ZNF407: variants seen among roughly 807,000 people sequenced by gnomAD.
ZNF407 encodes the protein zinc finger protein 407.
Under a neutral mutation model 131.2 loss-of-function variants are expected in ZNF407, and 17 were observed. That is an observed-to-expected ratio of 0.13 (90% confidence interval 0.09 to 0.19). The LOEUF (loss-of-function observed/expected upper bound fraction) is 0.19, where lower values mean the gene tolerates loss of function less well. Ranked by LOEUF, ZNF407 falls within the 10% of genes least tolerant of loss-of-function variation. The pLI, the probability that ZNF407 is intolerant of heterozygous loss-of-function variation, is 1.00. For synonymous variants in ZNF407, 1,156 were observed against 1,062.0 expected, an observed-to-expected ratio of 1.09 and a Z score of -1.72; for missense variants, 2,681 against 2,830.6, an observed-to-expected ratio of 0.95 and a Z score of 1.20.
intron 8 of ZNF407, among the ~76,000 whole-genome samples, chr18:75,002,111 A>ACTGCAGC (rs1972851805): frequency 6.6e-6 from 1 of 152,238 alleles, no homozygotes. Context: ...TGTGAGCGCA[A>ACTGCAGC]CTGCAGCCTT....
At chr18:74,761,230 A>G (rs1969088109) in intron 3 of ZNF407, among the ~76,000 whole-genome samples, 1 of 152,148 alleles carries the variant, frequency 6.6e-6, no homozygotes, top group African/African-American at 2.4e-5. Flanking sequence ...TAATTTCAGG[A>G]TAGTAAAGGA....
chr18:75,044,840 A>G (rs1973414545), intron 8 of ZNF407, among the ~76,000 whole-genome samples: 1 of 152,218 alleles, frequency 6.6e-6, no homozygotes, highest in African/African-American at 2.4e-5. Context: ...ACCACCATGT[A>G]CTTAATATTC....
intron 3 of ZNF407, among the ~76,000 whole-genome samples, chr18:74,672,696 C>G (rs1374317540): frequency 6.6e-6 from 1 of 150,624 alleles, no homozygotes; most frequent in Non-Finnish European, 1.5e-5. Flanking sequence ...ATCCTTGGGT[C>G]CTTGGGTTGC....
At chr18:74,847,098 G>A (rs984077507) in intron 4 of ZNF407, among the ~76,000 whole-genome samples, 10 of 151,968 alleles carry the variant, frequency 6.6e-5, no homozygotes, top group African/African-American at 1.5e-4. Flanking sequence ...TTATAGACTC[G>A]GTAACCAATT....
chr18:74,688,975 C>T (rs12326522), intron 3 of ZNF407, among the ~76,000 whole-genome samples: 21,432 of 151,998 alleles, frequency 0.14, 1,827 homozygotes, highest in African/African-American at 0.23. Flanking sequence ...ATTACAGGCA[C>T]CCGCCACCAT....
At chr18:74,661,355 G>A (rs1985705901) in intron 3 of ZNF407, among the ~76,000 whole-genome samples, 1 of 149,338 alleles carries the variant, frequency 6.7e-6, no homozygotes, top group Admixed American at 6.7e-5. Flanking sequence ...AAGAAGAAAG[G>A]CCAAGTCCCT....
intron 8 of ZNF407, among the ~76,000 whole-genome samples, chr18:75,060,630 C>T (rs1436011334): frequency 2.0e-5 from 3 of 151,822 alleles, no homozygotes; most frequent in Admixed American, 6.6e-5. Context: ...CTCAGCCTCC[C>T]GAGTAGCTGG....
rs557110987 is a variant in ZNF407 at position 74,791,049 on chromosome 18, A to G, written c.4877+9547A>G. Among the ~76,000 whole-genome samples, 104 of 152,276 alleles carry G rather than the reference A, an allele frequency of 6.8e-4. 1 individual carries two copies. Among genetic ancestry groups the G allele is most frequent in the African/African-American group, 2.4e-3 (99 of 41,552 alleles). ...CTTAGAACAAAGAGAACCTCTGCTA[A>G]CACTGTGGTGTTTTCTTACACTTAG... On this transcript the variant is annotated intron_variant, in intron 4 of 8. Transcript: ENST00000299687.
chr18:74,854,664 A>C (rs908450439), intron 4 of ZNF407, among the ~76,000 whole-genome samples: 2 of 152,112 alleles, frequency 1.3e-5, no homozygotes, highest in African/African-American at 4.8e-5. Context: ...TTTTTTAATA[A>C]TCAAATATTT....
At chr18:74,948,648 C>G (rs1972180966) in intron 8 of ZNF407, among the ~76,000 whole-genome samples, 1 of 152,190 alleles carries the variant, frequency 6.6e-6, no homozygotes. Flanking sequence ...AATTCTCTCT[C>G]ATCACATCCA....
chr18:74,944,838 C>A (rs951578697), intron 8 of ZNF407, among the ~76,000 whole-genome samples: 14 of 152,146 alleles, frequency 9.2e-5, no homozygotes, highest in African/African-American at 2.7e-4. Context: ...TTGAGTGCCA[C>A]GTCACTATTC....
intron 4 of ZNF407, among the ~76,000 whole-genome samples, chr18:74,827,317 C>T (rs1270220330): frequency 6.6e-6 from 1 of 152,122 alleles, no homozygotes; most frequent in Non-Finnish European, 1.5e-5. Context: ...TGTTTCTAGC[C>T]TGAATTAGTG....
At chr18:74,722,071 T>G (rs1968050724) in intron 3 of ZNF407, among the ~76,000 whole-genome samples, 1 of 152,100 alleles carries the variant, frequency 6.6e-6, no homozygotes, top group African/African-American at 2.4e-5. Flanking sequence ...TCTGTTTTTT[T>G]TTTCAGCAGC....
chr18:74,933,260 G>A (rs1345748853), intron 8 of ZNF407, among the ~76,000 whole-genome samples: 1 of 152,176 alleles, frequency 6.6e-6, no homozygotes, highest in Non-Finnish European at 1.5e-5. Context: ...TGAACCTTGA[G>A]AATATGTTAA....
chr18:74,961,980 A>G (rs1226455848), intron 8 of ZNF407, among the ~76,000 whole-genome samples: 2 of 152,210 alleles, frequency 1.3e-5, no homozygotes, highest in African/African-American at 4.8e-5. Flanking sequence ...AAATACGTTC[A>G]TTAGGTTATG....
intron 3 of ZNF407, among the ~76,000 whole-genome samples, chr18:74,775,147 C>G (rs917793463): frequency 2.6e-5 from 4 of 152,118 alleles, no homozygotes; most frequent in Admixed American, 2.6e-4. Flanking sequence ...TTTATCAAAA[C>G]TTTGTAAAAT....
chr18:74,984,308 A>C (rs867830059), intron 8 of ZNF407, among the ~76,000 whole-genome samples: 2 of 140,592 alleles, frequency 1.4e-5, no homozygotes, highest in South Asian at 2.1e-4. Flanking sequence ...TTACCAGAGG[A>C]AAAAAAAAGT....
chr18:74,799,774 G>T (rs1969985886), intron 4 of ZNF407, among the ~76,000 whole-genome samples: 1 of 151,886 alleles, frequency 6.6e-6, no homozygotes, highest in Non-Finnish European at 1.5e-5. Flanking sequence ...GAATGCGTAT[G>T]CACCTGTATC....
At chr18:74,856,298 A>G (rs1054762271) in intron 4 of ZNF407, among the ~76,000 whole-genome samples, 1 of 152,202 alleles carries the variant, frequency 6.6e-6, no homozygotes, top group African/African-American at 2.4e-5. Context: ...ATTTGTCACA[A>G]CGCATCATCT....
Sources: gnomAD v4.1 joint callset for allele counts (sites outside exome capture counted in the v4.1 genomes callset) on GRCh38, gnomAD v4.1.1 for gene constraint, MANE v1.5 for transcripts, NCBI Gene and HGNC (gene_info 2026-07-23, HGNC 2026-07-21) for gene names.